The following PDE1C variants were observed in gnomAD, a reference collection of about 807,000 sequenced individuals.
PDE1C encodes dual specificity calcium/calmodulin-dependent 3',5'-cyclic nucleotide phosphodiesterase 1C.
Under a neutral mutation model 93.1 loss-of-function variants are expected in PDE1C, and 62 were observed. The observed-to-expected ratio is 0.67, with a 90% CI of 0.54 to 0.82. The LOEUF (loss-of-function observed/expected upper bound fraction) is 0.82. Among genes scored for constraint, PDE1C ranks in the 40% least tolerant of loss-of-function variants. The pLI, the probability that PDE1C is intolerant of heterozygous loss-of-function variation, is 0.00. For missense variants in PDE1C, 742 were observed against 884.6 expected, an observed-to-expected ratio of 0.84 and a Z score of 2.04; for synonymous variants, 325 against 310.1, an observed-to-expected ratio of 1.05 and a Z score of -0.50.
intron 3 of PDE1C, among the ~76,000 whole-genome samples, chr7:32,096,456 A>T (rs1797751823): frequency 6.6e-6 from 1 of 152,142 alleles, no homozygotes; most frequent in African/African-American, 2.4e-5. Context: ...CAAGAGAATA[A>T]ACTGTTTATT....
intron 1 of PDE1C, among the ~76,000 whole-genome samples, chr7:32,307,964 A>T (rs1286670528): frequency 1.3e-5 from 2 of 152,208 alleles, no homozygotes; most frequent in East Asian, 1.9e-4. Flanking sequence ...GGGGTCGGGG[A>T]GTTCCCTTTC....
chr7:32,298,331 T>C (rs7779091), intron 1 of PDE1C, among the ~76,000 whole-genome samples: 24,399 of 151,944 alleles, frequency 0.16, 2,253 homozygotes, highest in East Asian at 0.39. Context: ...TCTCCAGCCC[T>C]ATTTCCACCC....
At chr7:32,295,825 C>T (rs967403735) in intron 1 of PDE1C, among the ~76,000 whole-genome samples, 2 of 139,940 alleles carry the variant, frequency 1.4e-5, no homozygotes, top group African/African-American at 5.4e-5. Context: ...ACGCGGGAGG[C>T]GGAGCTTGCA....
intron 2 of PDE1C, among the ~76,000 whole-genome samples, chr7:32,178,797 C>T (rs111308547): frequency 4.6e-4 from 70 of 152,316 alleles, no homozygotes; most frequent in African/African-American, 1.5e-3. Flanking sequence ...ACAAAGACAA[C>T]TTTTCATGGA....
intron 3 of PDE1C, among the ~76,000 whole-genome samples, chr7:32,086,402 T>C (rs1414202530): frequency 1.3e-5 from 2 of 152,170 alleles, no homozygotes; most frequent in Non-Finnish European, 2.9e-5. Context: ...GTAGGAAGAA[T>C]AAATATCGTG....
At chr7:32,042,958 A>G (rs1286322680) in intron 2 of PDE1C, among the ~76,000 whole-genome samples, 1 of 152,190 alleles carries the variant, frequency 6.6e-6, no homozygotes, top group Non-Finnish European at 1.5e-5. Flanking sequence ...ACCAGAGAGG[A>G]GCAATTCGGC....
chr7:32,023,409 T>G (rs1430945188), intron 2 of PDE1C, among the ~76,000 whole-genome samples: 1 of 152,122 alleles, frequency 6.6e-6, no homozygotes, highest in Non-Finnish European at 1.5e-5. Flanking sequence ...TTTTCATACT[T>G]AAGCGCAAAT....
chr7:31,768,416 T>A (rs1407860880), intron 17 of PDE1C, among the ~76,000 whole-genome samples: 1 of 152,178 alleles, frequency 6.6e-6, no homozygotes, highest in Non-Finnish European at 1.5e-5. Context: ...TGGATCAAGG[T>A]CTGTGGGACG....
chr7:32,004,904 A>G (rs1785983903), intron 2 of PDE1C, among the ~76,000 whole-genome samples: 1 of 152,244 alleles, frequency 6.6e-6, no homozygotes, highest in South Asian at 2.1e-4. Flanking sequence ...ACTTGTGAAG[A>G]AATCTAGATT....
intron 2 of PDE1C, among the ~76,000 whole-genome samples, chr7:32,006,944 T>C (rs1310624136): frequency 2.0e-5 from 3 of 152,206 alleles, no homozygotes; most frequent in Admixed American, 6.5e-5. Context: ...GCATCTGGCA[T>C]ATCAATACTT....
At chr7:32,081,287 G>C (rs1796648346) in intron 3 of PDE1C, among the ~76,000 whole-genome samples, 1 of 152,170 alleles carries the variant, frequency 6.6e-6, no homozygotes, top group Non-Finnish European at 1.5e-5. Context: ...TTAAGACCAT[G>C]TTAGAAACCA....
intron 1 of PDE1C, among the ~76,000 whole-genome samples, chr7:32,257,760 A>G (rs567170237): frequency 1.8e-4 from 27 of 152,360 alleles, no homozygotes; most frequent in Admixed American, 1.7e-3. Flanking sequence ...GCTAAACACC[A>G]GAAGAGGGGG....
chr7:32,007,284 A>C (rs1786404217), intron 2 of PDE1C, among the ~76,000 whole-genome samples: 1 of 152,092 alleles, frequency 6.6e-6, no homozygotes, highest in African/African-American at 2.4e-5. Context: ...GACCCTCAAA[A>C]ATGTCGCACT....
At chr7:32,073,307 G>C (rs1796169714), upstream of PDE1C, among the ~76,000 whole-genome samples, 1 of 152,064 alleles carries the variant, frequency 6.6e-6, no homozygotes, top group African/African-American at 2.4e-5. Context: ...TAGAAAGTCA[G>C]GAAAAATATA....
intron 1 of PDE1C, among the ~76,000 whole-genome samples, chr7:32,227,281 G>A (rs35918215): frequency 0.12 from 18,345 of 152,180 alleles, 1,194 homozygotes; most frequent in East Asian, 0.23. Context: ...CATCAGCTCA[G>A]GGGGCACAGA....
At chr7:32,346,930 A>G (rs558080027) in intron 1 of PDE1C, among the ~76,000 whole-genome samples, 89 of 152,376 alleles carry the variant, frequency 5.8e-4, no homozygotes, top group African/African-American at 2.1e-3. Flanking sequence ...GGCTGACTGT[A>G]GGAACAGGCA....
intron 2 of PDE1C, among the ~76,000 whole-genome samples, chr7:31,943,891 A>C (rs1806197673): frequency 6.6e-6 from 1 of 152,190 alleles, no homozygotes; most frequent in East Asian, 1.9e-4. Flanking sequence ...TAAACATATT[A>C]ATAGCTAGAT....
chr7:31,705,471 CCACT>C, the PDE1C span, among the ~76,000 whole-genome samples: 20,154 of 152,102 alleles, frequency 0.13, 1,526 homozygotes, highest in East Asian at 0.36. Context: ...GAAATATCTC[CCACT>C]GTGTTTCATA....
intron 3 of PDE1C, chr7:32,169,707 C>T (rs1802525062): frequency 8.1e-7 from 1 of 1,231,148 alleles, no homozygotes; most frequent in Non-Finnish European, 1.2e-6. Context: ...GCTGGCCACA[C>T]TGACTATGCA....
Sources: allele counts gnomAD v4.1 joint callset (sites outside exome capture counted in the v4.1 genomes callset), GRCh38; gene constraint gnomAD v4.1.1; transcripts MANE v1.5; gene names NCBI Gene and HGNC (gene_info 2026-07-23, HGNC 2026-07-21).